The following C2orf76 variants were observed in gnomAD, a reference collection of about 807,000 sequenced individuals.
The protein encoded by C2orf76 is UPF0538 protein C2orf76.
Under a neutral mutation model 16.9 loss-of-function variants are expected in C2orf76, and 23 were observed. That is an observed-to-expected ratio of 1.36 (90% CI 0.98 to 1.93). The LOEUF is 1.93. Among genes scored for constraint, C2orf76 ranks in the 30% most tolerant of loss-of-function variants. C2orf76 has a pLI of 0.00. For missense variants in C2orf76, 152 were observed against 152.6 expected, an observed-to-expected ratio of 1.00 and a Z score of 0.02; for synonymous variants, 48 against 52.3, an observed-to-expected ratio of 0.92 and a Z score of 0.35.
chr2:119,284,468 G>A, the C2orf76 span, among the ~76,000 whole-genome samples: 6 of 152,074 alleles, frequency 3.9e-5, no homozygotes, highest in East Asian at 3.9e-4. Context: ...GCACTCCTGC[G>A]TCCCTGTCAC....
At chr2:119,309,227 A>G (rs1014392677) in intron 5 of C2orf76, among the ~76,000 whole-genome samples, 21 of 152,174 alleles carry the variant, frequency 1.4e-4, no homozygotes, top group African/African-American at 5.1e-4. Flanking sequence ...TCTACTACAT[A>G]AAACAGTATC....
chr2:119,291,076 T>G, the C2orf76 span, among the ~76,000 whole-genome samples: 1 of 151,826 alleles, frequency 6.6e-6, no homozygotes, highest in African/African-American at 2.4e-5. Flanking sequence ...GGCTGAAGGG[T>G]AGGCAAAGGC....
At chr2:119,349,512 G>A (rs1680313913) in intron 1 of C2orf76, among the ~76,000 whole-genome samples, 1 of 152,134 alleles carries the variant, frequency 6.6e-6, no homozygotes, top group Non-Finnish European at 1.5e-5. Flanking sequence ...CCTCTTCAGT[G>A]GTATACGTCA....
At chr2:119,345,334 T>C (rs192411987) in intron 1 of C2orf76, among the ~76,000 whole-genome samples, 168 of 152,162 alleles carry the variant, frequency 1.1e-3, no homozygotes, top group African/African-American at 3.8e-3. Context: ...ATAAGAAAAA[T>C]TGAAAACTGG....
At chr2:119,292,411 G>A in the C2orf76 span, among the ~76,000 whole-genome samples, 2 of 152,154 alleles carry the variant, frequency 1.3e-5, no homozygotes, top group Admixed American at 6.5e-5. Flanking sequence ...GCTCAGGACC[G>A]CCTCCGGGCA....
At chr2:119,305,902 C>A (rs1416114570) in intron 5 of C2orf76, among the ~76,000 whole-genome samples, 1 of 135,056 alleles carries the variant, frequency 7.4e-6, no homozygotes, top group Non-Finnish European at 1.6e-5. Flanking sequence ...TTTCAAACTA[C>A]AGTTTGAAGA....
At chr2:119,289,711 G>A in the C2orf76 span, among the ~76,000 whole-genome samples, 1 of 151,680 alleles carries the variant, frequency 6.6e-6, no homozygotes, top group Non-Finnish European at 1.5e-5. Flanking sequence ...GTGCAGGGTG[G>A]CTTTGACAGG....
chr2:119,317,336 T>G, intron 4 of C2orf76, 130 bp downstream of exon 4: 1 of 555,134 alleles, frequency 1.8e-6, no homozygotes, highest in Non-Finnish European at 2.9e-6. Context: ...GTAAAAAGGG[T>G]ACCTACAAAA....
In C2orf76 at chr2:119,322,576, A is replaced by G. The variant is rs934460901; in HGVS notation, c.134-1372T>C. The stretch of plus-strand genomic sequence containing the variant: ...AAAATGACATTCATAGAAGGGTATT[A>G]ACTGCAGCATTGCTCACAGCAGCAA... On this transcript the variant is annotated intron_variant, in intron 2 of 5. Coordinates refer to ENST00000334816, the MANE Select transcript of C2orf76 (RefSeq NM_001322331.2). Among the ~76,000 whole-genome samples, 3 of 152,334 alleles carry G rather than the reference A, an allele frequency of 2.0e-5. No individual in the cohort carries two copies. The East Asian group carries it at 5.8e-4, about 29-fold the overall frequency.
At chr2:119,305,148 T>C (rs937470979) in intron 5 of C2orf76, among the ~76,000 whole-genome samples, 5 of 152,240 alleles carry the variant, frequency 3.3e-5, no homozygotes, top group Non-Finnish European at 7.3e-5. Flanking sequence ...TTCGTCTTAC[T>C]ATCAAATGAA....
chr2:119,295,697 C>G, the C2orf76 span, among the ~76,000 whole-genome samples: 6 of 152,332 alleles, frequency 3.9e-5, no homozygotes, highest in Non-Finnish European at 8.8e-5. Context: ...GCTTGAGTCT[C>G]TAAGGCAGCA....
chr2:119,317,607 C>A, intron 3 of C2orf76, 104 bp from the exon 4 acceptor site: 1 of 825,370 alleles, frequency 1.2e-6, no homozygotes, highest in East Asian at 2.7e-5. Flanking sequence ...AAATGTAAGT[C>A]CTTGTTTTAT....
intron 1 of C2orf76, among the ~76,000 whole-genome samples, chr2:119,350,064 A>ACCCCCCCC (rs1680337722): frequency 2.5e-5 from 1 of 40,334 alleles, no homozygotes; most frequent in Non-Finnish European, 4.9e-5. Flanking sequence ...CGCCCCGCCC[A>ACCCCCCCC]CACCGCCCCC....
intron 2 of C2orf76, among the ~76,000 whole-genome samples, chr2:119,321,453 C>A (rs917200186): frequency 6.6e-6 from 1 of 152,168 alleles, no homozygotes; most frequent in Non-Finnish European, 1.5e-5. Flanking sequence ...GGAGGCCTCA[C>A]AATCATGGCA....
At chr2:119,361,188 T>C (rs11888528) in intron 1 of C2orf76, among the ~76,000 whole-genome samples, 54,528 of 152,174 alleles carry the variant, frequency 0.36, 9,948 homozygotes, top group Non-Finnish European at 0.4. Context: ...GTTCCACTTT[T>C]GATGGTTTGA....
At chr2:119,314,027 T>TTTG (rs1553446156) in intron 4 of C2orf76, among the ~76,000 whole-genome samples, 1 of 149,118 alleles carries the variant, frequency 6.7e-6, no homozygotes, top group Non-Finnish European at 1.5e-5. Flanking sequence ...TTTTTTTTTT[T>TTTG]TTTTTTTTTT....
At chr2:119,297,560 G>A (rs1678559633), downstream of C2orf76, among the ~76,000 whole-genome samples, 1 of 152,128 alleles carries the variant, frequency 6.6e-6, no homozygotes, top group South Asian at 2.1e-4. Context: ...AGGCTGGAGT[G>A]CAGTGGTGTG....
chr2:119,311,763 A>G, intron 4 of C2orf76, 60 bp from the exon 5 acceptor site: 1 of 1,447,262 alleles, frequency 6.9e-7, no homozygotes, highest in Non-Finnish European at 9.4e-7. Context: ...GTTTGGTGAG[A>G]CTTCTCAAAG....
chr2:119,295,394 A>G, the C2orf76 span, among the ~76,000 whole-genome samples: 23 of 152,130 alleles, frequency 1.5e-4, no homozygotes, highest in Non-Finnish European at 3.2e-4. Context: ...CTGATCAGGA[A>G]ATTAAATGAG....
Sources: allele counts gnomAD v4.1 joint callset (sites outside exome capture counted in the v4.1 genomes callset), GRCh38; gene constraint gnomAD v4.1.1; transcripts MANE v1.5; gene names NCBI Gene and HGNC (gene_info 2026-07-23, HGNC 2026-07-21).